Variants in NOS1AP observed in about 807,000 individuals in gnomAD.
NOS1AP encodes nitric oxide synthase 1 adaptor protein, also known as carboxyl-terminal PDZ ligand of neuronal nitric oxide synthase protein.
Under a neutral mutation model 56.2 loss-of-function variants are expected in NOS1AP, and 21 were observed. The ratio of observed to expected loss-of-function variants is 0.37; its 90% CI spans 0.26 to 0.54. The LOEUF (loss-of-function observed/expected upper bound fraction) is 0.54. NOS1AP is among the 20% of genes least tolerant of loss of function. The probability of loss-of-function intolerance (pLI) is 0.84; values close to 1 mark genes in which losing one functional copy is unlikely to be tolerated. For missense variants in NOS1AP, 522 were observed against 657.8 expected (o/e 0.79, Z 2.26); for synonymous variants, 270 against 274.6 (o/e 0.98, Z 0.17).
chr1:162,196,284 C>T (rs1238668360), intron 2 of NOS1AP, among the ~76,000 whole-genome samples: 1 of 152,194 alleles, frequency 6.6e-6, no homozygotes. Context: ...CTAATGGTGA[C>T]ATTGGGGCTC....
chr1:162,203,842 T>G (rs1652072706), intron 2 of NOS1AP, among the ~76,000 whole-genome samples: 2 of 152,166 alleles, frequency 1.3e-5, no homozygotes, highest in South Asian at 4.1e-4. Flanking sequence ...CTTTTTCCTC[T>G]TTGGTCAAGA....
intron 2 of NOS1AP, among the ~76,000 whole-genome samples, chr1:162,282,837 C>G (rs1654972627): frequency 6.6e-6 from 1 of 152,226 alleles, no homozygotes; most frequent in African/African-American, 2.4e-5. Flanking sequence ...CCTTTGCAAA[C>G]TGAATCCTCT....
chr1:162,255,754 T>C (rs1298539670), intron 2 of NOS1AP, among the ~76,000 whole-genome samples: 2 of 152,034 alleles, frequency 1.3e-5, no homozygotes, highest in East Asian at 3.9e-4. Context: ...AAGAGAAACG[T>C]TGGTGAGGGC....
intron 1 of NOS1AP, among the ~76,000 whole-genome samples, chr1:162,073,352 A>G (rs561111563): frequency 3.3e-4 from 50 of 152,272 alleles, no homozygotes; most frequent in African/African-American, 1.1e-3. Flanking sequence ...TTTTTATGGA[A>G]TATTCACTCT....
At chr1:162,229,967 A>G (rs1437632516) in intron 2 of NOS1AP, among the ~76,000 whole-genome samples, 1 of 152,194 alleles carries the variant, frequency 6.6e-6, no homozygotes, top group Non-Finnish European at 1.5e-5. Context: ...AAAATCTAGT[A>G]TGAAGAATTA....
At chr1:162,231,981 T>C (rs992553882) in intron 2 of NOS1AP, among the ~76,000 whole-genome samples, 1 of 152,254 alleles carries the variant, frequency 6.6e-6, no homozygotes, top group African/African-American at 2.4e-5. Context: ...TTCCTACATT[T>C]ATGTATTTTC....
intron 1 of NOS1AP, among the ~76,000 whole-genome samples, chr1:162,079,535 C>G (rs2102013166): frequency 6.6e-6 from 1 of 152,326 alleles, no homozygotes; most frequent in Non-Finnish European, 1.5e-5. Flanking sequence ...CTATCCCTCA[C>G]TTGCTACTTG....
At chr1:162,225,030 G>C (rs1446346725) in intron 2 of NOS1AP, among the ~76,000 whole-genome samples, 2 of 152,184 alleles carry the variant, frequency 1.3e-5, no homozygotes, top group Non-Finnish European at 2.9e-5. Context: ...TCTCTTCCCA[G>C]TGACATGTCT....
chr1:162,308,245 C>G (rs531808932), intron 4 of NOS1AP, among the ~76,000 whole-genome samples: 2 of 152,280 alleles, frequency 1.3e-5, no homozygotes, highest in African/African-American at 4.8e-5. Context: ...AGAGCTGGTC[C>G]CAGGTGCAGG....
At chr1:162,255,466 T>C (rs1448128500) in intron 2 of NOS1AP, among the ~76,000 whole-genome samples, 1 of 146,812 alleles carries the variant, frequency 6.8e-6, no homozygotes, top group African/African-American at 2.5e-5. Flanking sequence ...GGATTTCAGA[T>C]GCATAGGTTA....
chr1:162,352,071 T>C (rs1018254046), intron 6 of NOS1AP, among the ~76,000 whole-genome samples: 6 of 152,068 alleles, frequency 3.9e-5, no homozygotes, highest in African/African-American at 1.4e-4. Flanking sequence ...CTCTTTTTTT[T>C]TTTCTCAAGA....
At chr1:162,121,983 TA>T (rs1436593171) in intron 1 of NOS1AP, among the ~76,000 whole-genome samples, 7 of 152,218 alleles carry the variant, frequency 4.6e-5, no homozygotes, top group African/African-American at 1.7e-4. Context: ...TTTCACAACC[TA>T]GTATTTAAAA....
At chr1:162,169,238 A>G (rs1241997105) in intron 2 of NOS1AP, among the ~76,000 whole-genome samples, 1 of 152,016 alleles carries the variant, frequency 6.6e-6, no homozygotes, top group Non-Finnish European at 1.5e-5. Flanking sequence ...GACCAATCCC[A>G]CACCTTCCCC....
chr1:162,175,060 A>G (rs971211601), intron 2 of NOS1AP, among the ~76,000 whole-genome samples: 2 of 152,192 alleles, frequency 1.3e-5, no homozygotes, highest in Non-Finnish European at 2.9e-5. Flanking sequence ...TACTATCATT[A>G]TGACTTATCA....
chr1:162,165,589 T>C (rs1650454014), intron 2 of NOS1AP, among the ~76,000 whole-genome samples: 1 of 152,208 alleles, frequency 6.6e-6, no homozygotes, highest in African/African-American at 2.4e-5. Flanking sequence ...TAGGATTCAC[T>C]TCTAAGCTTG....
chr1:162,212,818 C>T (rs1214097829), intron 2 of NOS1AP, among the ~76,000 whole-genome samples: 2 of 32 alleles, frequency 0.062, no homozygotes, highest in Middle Eastern at 0.5. Flanking sequence ...CCTCGACACA[C>T]CCTGTGAACT....
At chr1:162,090,369 TAA>T (rs35839449) in intron 1 of NOS1AP, among the ~76,000 whole-genome samples, 3 of 146,962 alleles carry the variant, frequency 2.0e-5, no homozygotes, top group Non-Finnish European at 3.0e-5. Flanking sequence ...TTATCTTTTG[TAA>T]AAAAAAAAAA....
At chr1:162,083,851 G>A (rs1403245764) in intron 1 of NOS1AP, among the ~76,000 whole-genome samples, 1 of 152,146 alleles carries the variant, frequency 6.6e-6, no homozygotes, top group Non-Finnish European at 1.5e-5. Flanking sequence ...TCTTTACCAA[G>A]TTTTCCACCA....
intron 2 of NOS1AP, among the ~76,000 whole-genome samples, chr1:162,272,684 C>T (rs1654620294): frequency 6.6e-6 from 1 of 152,032 alleles, no homozygotes; most frequent in Admixed American, 6.5e-5. Context: ...TATATGTGAG[C>T]CTGTGTGGAT....
Sources: gnomAD v4.1 joint callset for allele counts (sites outside exome capture counted in the v4.1 genomes callset) on GRCh38, gnomAD v4.1.1 for gene constraint, MANE v1.5 for transcripts, NCBI Gene and HGNC (gene_info 2026-07-23, HGNC 2026-07-21) for gene names.